The following FAM167A variants were observed in gnomAD, a reference collection of about 807,000 sequenced individuals.
FAM167A encodes the protein protein FAM167A.
A neutral mutation model predicts 14.9 loss-of-function variants in FAM167A; 23 were observed. The ratio of observed to expected loss-of-function variants is 1.55; its 90% CI spans 1.11 to 2.19. The LOEUF (loss-of-function observed/expected upper bound fraction) is 2.19. Among genes scored for constraint, FAM167A ranks in the 30% most tolerant of loss-of-function variants. The pLI is 0.00. For missense variants in FAM167A, 401 were observed against 281.5 expected, an observed-to-expected ratio of 1.42 and a Z score of -3.04; for synonymous variants, 174 against 117.7, an observed-to-expected ratio of 1.48 and a Z score of -3.10.
intron 1 of FAM167A, among the ~76,000 whole-genome samples, chr8:11,461,857 C>A (rs529721171): frequency 7.9e-5 from 12 of 152,252 alleles, no homozygotes; most frequent in Non-Finnish European, 1.5e-4. Context: ...CTTCGTAAGG[C>A]CTTTCACGGT....
intron 2 of FAM167A, among the ~76,000 whole-genome samples, chr8:11,426,728 GGTCTTTGATCAGCCTTTGGTTGATCA>G (rs1363990198): frequency 3.9e-5 from 6 of 152,138 alleles, no homozygotes; most frequent in East Asian, 1.9e-4. Context: ...CATTCTTTTG[GGTCTTTGATCAGCCTTTGGTTGATCA>G]GTCTTTGATC....
chr8:11,436,011 G>A (rs555875909), intron 2 of FAM167A, among the ~76,000 whole-genome samples: 2 of 152,290 alleles, frequency 1.3e-5, no homozygotes, highest in African/African-American at 4.8e-5. Context: ...CCCTGCCAGA[G>A]CCTTTTTTGC....
chr8:11,444,366 CCT>C lies in FAM167A; in HGVS notation c.44_45del (p.Glu15GlyfsTer10). On this transcript the variant is annotated frameshift_variant, in exon 2 of 3. Transcript: ENST00000284486. LOFTEE classifies it high-confidence loss of function. ...QIHVEEVGAE[E>X]GAGAAAPPDD... ...TCGGGTGGTGCGGCTGCTCCCGCCC[CCT>C]CTTCTGCACCCACTTCTTCCACGTG... The C allele has an allele frequency of 6.3e-7, 1 of 1,589,394 alleles. No homozygotes were observed.
upstream of FAM167A, among the ~76,000 whole-genome samples, chr8:11,471,844 G>A (rs1360927817): frequency 6.6e-6 from 1 of 152,100 alleles, no homozygotes; most frequent in African/African-American, 2.4e-5. Context: ...CTGGTCTATG[G>A]GGTTTGGATG....
chr8:11,427,204 C>A (rs1454363909), intron 2 of FAM167A, among the ~76,000 whole-genome samples: 1 of 152,140 alleles, frequency 6.6e-6, no homozygotes, highest in South Asian at 2.1e-4. Context: ...CATGTTTAAC[C>A]TTGATGGGCC....
chr8:11,432,590 A>C (rs1490607623), intron 2 of FAM167A, among the ~76,000 whole-genome samples: 4 of 152,236 alleles, frequency 2.6e-5, no homozygotes, highest in East Asian at 3.8e-4. Flanking sequence ...GGATGTGCAG[A>C]AATAGGAATG....
At chr8:11,433,052 C>G (rs1460956298) in intron 2 of FAM167A, among the ~76,000 whole-genome samples, 1 of 151,806 alleles carries the variant, frequency 6.6e-6, no homozygotes, top group East Asian at 1.9e-4. Context: ...CATCACATAC[C>G]CGGGCCTGTT....
chr8:11,452,886 G>A (rs1325328968), intron 1 of FAM167A, among the ~76,000 whole-genome samples: 1 of 152,180 alleles, frequency 6.6e-6, no homozygotes, highest in East Asian at 1.9e-4. Flanking sequence ...ACACATTCGG[G>A]CCTCACGTCC....
chr8:11,471,653 C>T (rs55908105), upstream of FAM167A, among the ~76,000 whole-genome samples: 2,891 of 152,274 alleles, frequency 0.019, 40 homozygotes, highest in Non-Finnish European at 0.026. Flanking sequence ...TGCCTTGATC[C>T]GTGAGCGAGA....
chr8:11,443,793 C>G (rs1203079953), intron 2 of FAM167A: 1 of 529,786 alleles, frequency 1.9e-6, no homozygotes, highest in Non-Finnish European at 3.3e-6. Flanking sequence ...CCAGAAAACA[C>G]CTGCTTCCTT....
At chr8:11,460,340 A>C (rs7015822) in intron 1 of FAM167A, among the ~76,000 whole-genome samples, 6,985 of 152,254 alleles carry the variant, frequency 0.046, 427 homozygotes, top group African/African-American at 0.14. Context: ...GGAGTCAGCT[A>C]CTGGGGTCCC....
chr8:11,464,111 G>T (rs1807654775), intron 1 of FAM167A, among the ~76,000 whole-genome samples: 1 of 152,182 alleles, frequency 6.6e-6, no homozygotes, highest in Non-Finnish European at 1.5e-5. Context: ...CTGCCTGGCA[G>T]AGATGAGCAG....
chr8:11,466,822 G>C (rs558430755), upstream of FAM167A: 1 of 152,078 alleles, frequency 6.6e-6, no homozygotes, highest in African/African-American at 2.4e-5. Context: ...GCCTGGCGAC[G>C]GCCGAGCTCT....
intron 1 of FAM167A, among the ~76,000 whole-genome samples, chr8:11,463,012 G>T (rs62489063): frequency 5.3e-5 from 8 of 152,318 alleles, no homozygotes; most frequent in Non-Finnish European, 8.8e-5. Context: ...TGTGGTCAGG[G>T]CAGCAGAGAG....
chr8:11,427,236 C>A (rs905713480), intron 2 of FAM167A, among the ~76,000 whole-genome samples: 2 of 152,132 alleles, frequency 1.3e-5, no homozygotes, highest in African/African-American at 4.8e-5. Flanking sequence ...CCTGAGGTAC[C>A]AGCAGGACAG....
chr8:11,443,335 G>C (rs1481170101), intron 2 of FAM167A, among the ~76,000 whole-genome samples: 1 of 152,222 alleles, frequency 6.6e-6, no homozygotes, highest in East Asian at 1.9e-4. Context: ...CCTATGAGCA[G>C]GAAAGTGACC....
chr8:11,471,482 C>A (rs771527140), upstream of FAM167A, among the ~76,000 whole-genome samples: 10 of 152,050 alleles, frequency 6.6e-5, no homozygotes, highest in Non-Finnish European at 1.0e-4. Flanking sequence ...GACATTGGGA[C>A]GGCAATAGAG....
At chr8:11,436,409 A>T (rs1273653332) in intron 2 of FAM167A, among the ~76,000 whole-genome samples, 4 of 152,214 alleles carry the variant, frequency 2.6e-5, no homozygotes, top group Non-Finnish European at 5.9e-5. Context: ...AGCATGGCCC[A>T]GGTACGGCTG....
chr8:11,436,556 C>T (rs1160791461), intron 2 of FAM167A, among the ~76,000 whole-genome samples: 1 of 152,220 alleles, frequency 6.6e-6, no homozygotes, highest in Non-Finnish European at 1.5e-5. Flanking sequence ...TGTCTCCCTG[C>T]TCCGACAGGA....
Sources: gnomAD v4.1 joint callset for allele counts (sites outside exome capture counted in the v4.1 genomes callset) on GRCh38, gnomAD v4.1.1 for gene constraint, MANE v1.5 for transcripts, NCBI Gene and HGNC (gene_info 2026-07-23, HGNC 2026-07-21) for gene names.